The following RBMS3 variants were observed in gnomAD, a reference collection of about 807,000 sequenced individuals.
The protein encoded by RBMS3 is RNA-binding motif, single-stranded-interacting protein 3.
RBMS3 carries 27 observed loss-of-function variants against 66.8 expected under a neutral mutation model. The observed-to-expected ratio is 0.40, with a 90% confidence interval of 0.30 to 0.56. The LOEUF (loss-of-function observed/expected upper bound fraction) is 0.56. Among genes scored for constraint, RBMS3 ranks in the 20% least tolerant of loss-of-function variants. The pLI is 0.40. For missense variants in RBMS3, 513 were observed against 549.5 expected, an observed-to-expected ratio of 0.93 and a Z score of 0.66; for synonymous variants, 188 against 183.0, an observed-to-expected ratio of 1.03 and a Z score of -0.22.
intron 6 of RBMS3, chr3:29,766,261 A>G (rs1335025264): frequency 1.3e-5 from 2 of 151,952 alleles, no homozygotes; most frequent in Admixed American, 1.3e-4. Flanking sequence ...GGAGATGCAA[A>G]GCTAATTATT....
chr3:29,899,786 T>C (rs568466847), intron 10 of RBMS3, 31 bp downstream of exon 10: 1 of 1,598,320 alleles, frequency 6.3e-7, no homozygotes, highest in Non-Finnish European at 8.6e-7. Context: ...GAGGCTAATA[T>C]TTCTATTATC....
At chr3:29,894,036 T>C (rs1270164001) in intron 8 of RBMS3, among the ~76,000 whole-genome samples, 1 of 151,572 alleles carries the variant, frequency 6.6e-6, no homozygotes, top group Non-Finnish European at 1.5e-5. Context: ...GAAATGTCAA[T>C]AAATACATTG....
chr3:29,298,361 T>C (rs2033432599), intron 1 of RBMS3, among the ~76,000 whole-genome samples: 1 of 151,946 alleles, frequency 6.6e-6, no homozygotes, highest in African/African-American at 2.4e-5. Context: ...ACAACAGTGC[T>C]AGTCAGTATC....
chr3:29,336,872 T>C (rs1040682931), intron 1 of RBMS3, among the ~76,000 whole-genome samples: 4 of 152,146 alleles, frequency 2.6e-5, no homozygotes, highest in Admixed American at 2.0e-4. Flanking sequence ...GGGGTCAAAT[T>C]CATATTTAAA....
intron 1 of RBMS3, among the ~76,000 whole-genome samples, chr3:29,433,120 T>A (rs950233212): frequency 1.5e-4 from 23 of 152,180 alleles, no homozygotes; most frequent in Admixed American, 1.0e-3. Flanking sequence ...TGAGGTTTTT[T>A]TTTTTAGAAT....
At chr3:29,318,174 A>G (rs970808611) in intron 1 of RBMS3, among the ~76,000 whole-genome samples, 11 of 151,836 alleles carry the variant, frequency 7.2e-5, no homozygotes, top group South Asian at 6.2e-4. Context: ...AACATTCATA[A>G]TATTCTGGTG....
chr3:29,914,071 A>G (rs1188423197), intron 10 of RBMS3, among the ~76,000 whole-genome samples: 1 of 151,972 alleles, frequency 6.6e-6, no homozygotes, highest in Non-Finnish European at 1.5e-5. Flanking sequence ...TATTTAACCA[A>G]AAGACTGACA....
At chr3:29,523,434 G>C (rs2044947211) in intron 3 of RBMS3, among the ~76,000 whole-genome samples, 2 of 151,800 alleles carry the variant, frequency 1.3e-5, no homozygotes, top group African/African-American at 4.8e-5. Context: ...CAGTCTGACT[G>C]TTCATTTTTA....
chr3:29,462,134 C>T (rs756527565), intron 2 of RBMS3, among the ~76,000 whole-genome samples: 2 of 151,950 alleles, frequency 1.3e-5, no homozygotes, highest in Non-Finnish European at 2.9e-5. Flanking sequence ...GGTTTAAATA[C>T]ATGATAAAAT....
At chr3:29,968,676 G>T (rs1697026143) in intron 12 of RBMS3, among the ~76,000 whole-genome samples, 1 of 152,206 alleles carries the variant, frequency 6.6e-6, no homozygotes, top group Admixed American at 6.5e-5. Flanking sequence ...CACTTCCTCA[G>T]TTGGGGCACT....
intron 10 of RBMS3, among the ~76,000 whole-genome samples, chr3:29,935,044 A>G (rs1000541322): frequency 5.9e-5 from 9 of 152,190 alleles, no homozygotes; most frequent in Non-Finnish European, 1.5e-5. Flanking sequence ...ATAACTGAGT[A>G]TTTAAATGGG....
At chr3:29,342,095 G>A (rs906376091) in intron 1 of RBMS3, among the ~76,000 whole-genome samples, 1 of 152,150 alleles carries the variant, frequency 6.6e-6, no homozygotes, top group African/African-American at 2.4e-5. Flanking sequence ...GATTCTTGAT[G>A]TGATAAGGAG....
chr3:29,353,182 T>A (rs1262042142), intron 1 of RBMS3, among the ~76,000 whole-genome samples: 1 of 151,932 alleles, frequency 6.6e-6, no homozygotes, highest in Non-Finnish European at 1.5e-5. Context: ...TTTCTGCAAC[T>A]CTTTTTCTTT....
chr3:29,404,316 T>C (rs2039927294), intron 1 of RBMS3, among the ~76,000 whole-genome samples: 1 of 152,120 alleles, frequency 6.6e-6, no homozygotes, highest in Admixed American at 6.6e-5. Flanking sequence ...GGGACAGTGG[T>C]TTACCCTTCT....
intron 14 of RBMS3, 23 bp downstream of exon 14, chr3:29,991,232 T>A: frequency 6.2e-7 from 1 of 1,613,784 alleles, no homozygotes; most frequent in Non-Finnish European, 8.5e-7. Flanking sequence ...TGTGCTAAGC[T>A]CTTTTCCTCA....
intron 5 of RBMS3, among the ~76,000 whole-genome samples, chr3:29,754,770 G>T (rs1040077220): frequency 2.0e-5 from 3 of 152,156 alleles, no homozygotes; most frequent in Non-Finnish European, 2.9e-5. Flanking sequence ...AAGAGAAGTT[G>T]TTTATCAAGA....
intron 5 of RBMS3, among the ~76,000 whole-genome samples, chr3:29,754,966 C>T (rs2055342983): frequency 6.6e-6 from 1 of 152,144 alleles, no homozygotes; most frequent in Admixed American, 6.5e-5. Context: ...TTATGTCTCT[C>T]TGGGCCTGAT....
chr3:29,431,686 A>G (rs1236224156), intron 1 of RBMS3, among the ~76,000 whole-genome samples: 2 of 152,034 alleles, frequency 1.3e-5, no homozygotes, highest in Non-Finnish European at 2.9e-5. Flanking sequence ...CTGTTGGTCA[A>G]TGTGTGTTTG....
At chr3:29,728,745 A>G (rs1351987028) in intron 4 of RBMS3, among the ~76,000 whole-genome samples, 1 of 152,166 alleles carries the variant, frequency 6.6e-6, no homozygotes, top group Non-Finnish European at 1.5e-5. Flanking sequence ...TAAATCTACT[A>G]TATGCCATCC....
Sources: gnomAD v4.1 joint callset for allele counts (sites outside exome capture counted in the v4.1 genomes callset) on GRCh38, gnomAD v4.1.1 for gene constraint, MANE v1.5 for transcripts, NCBI Gene and HGNC (gene_info 2026-07-23, HGNC 2026-07-21) for gene names.